COL13A1: variants seen among roughly 807,000 people sequenced by gnomAD.
COL13A1 encodes collagen alpha-1(XIII) chain.
COL13A1 carries 89 observed loss-of-function variants against 130.9 expected under a neutral mutation model. The ratio of observed to expected loss-of-function variants is 0.68; its 90% CI spans 0.57 to 0.81. The LOEUF is 0.81. COL13A1 is among the 30% of genes least tolerant of loss of function. COL13A1 has a pLI of 0.00. For missense variants in COL13A1, 879 were observed against 934.6 expected (o/e 0.94, Z 0.78); for synonymous variants, 402 against 341.6 (o/e 1.18, Z -1.95).
chr10:69,852,227 G>A (rs1182764633), intron 2 of COL13A1, among the ~76,000 whole-genome samples: 1 of 152,050 alleles, frequency 6.6e-6, no homozygotes, highest in Non-Finnish European at 1.5e-5. Context: ...TTTGCATATT[G>A]TAACTTCTCA....
chr10:69,934,301 A>G (rs2066538591), intron 31 of COL13A1, among the ~76,000 whole-genome samples: 1 of 152,252 alleles, frequency 6.6e-6, no homozygotes, highest in Non-Finnish European at 1.5e-5. Context: ...CCACTTACTT[A>G]TAATAAGAAT....
chr10:69,917,382 A>C lies in COL13A1; in HGVS notation c.966+49A>C. ...CAGGCAGCCCCAAGGCCCCTCCCCC[A>C]GTGCCCATCCCTCTCTCCTCAGCTC... On this transcript the variant is annotated intron_variant, in intron 18 of 40. Coordinates refer to ENST00000645393, the MANE Select transcript of COL13A1 (RefSeq NM_001368882.1). 3.3e-6 allele frequency: 5 copies of C among 1,534,388 alleles called. No homozygotes were observed. The South Asian group carries it at 4.6e-5, about 14-fold the overall frequency.
At chr10:69,925,968 GC>G in intron 26 of COL13A1, 96 bp downstream of exon 26, 1 of 1,053,108 alleles carries the variant, frequency 9.5e-7, no homozygotes, top group Non-Finnish European at 1.4e-6. Context: ...CCGAGTAGGG[GC>G]CCTGCCCTCA....
chr10:69,927,196 C>T (rs2065484454), intron 27 of COL13A1, 86 bp downstream of exon 27: 7 of 1,590,680 alleles, frequency 4.4e-6, no homozygotes, highest in Non-Finnish European at 6.0e-6. Context: ...TGATTTCTCC[C>T]CTCCAGAAAG....
chr10:69,893,984 T>C (rs2061417484), intron 10 of COL13A1, among the ~76,000 whole-genome samples: 1 of 152,238 alleles, frequency 6.6e-6, no homozygotes, highest in Non-Finnish European at 1.5e-5. Flanking sequence ...TAGCCCTGCA[T>C]GGACAAGACA....
rs2894302 is a variant in COL13A1 at position 69,869,454 on chromosome 10, G to A, written c.372+1649G>A. Among the ~76,000 whole-genome samples the A allele has an allele frequency of 9.9e-5, 15 of 152,250 alleles. No individual in the cohort carries two copies. In the East Asian group the frequency reaches 2.9e-3, roughly 29 times the overall value. ...CAAAAGAAGAATGCTGGTGGCCAGAGAGAGGGGCTCTGAGATGCCTGTCTG... is the reference window on the plus strand; with the variant it reads ...CAAAAGAAGAATGCTGGTGGCCAGAAAGAGGGGCTCTGAGATGCCTGTCTG... On this transcript the variant is annotated intron_variant, in intron 3 of 40. Transcript: ENST00000645393.
chr10:69,826,517 T>C (rs1847527118), intron 2 of COL13A1, among the ~76,000 whole-genome samples: 1 of 152,082 alleles, frequency 6.6e-6, no homozygotes, highest in Non-Finnish European at 1.5e-5. Context: ...GCCAGCCTAA[T>C]GGGAGAAGCC....
chr10:69,897,784 C>T (rs1303541971), intron 13 of COL13A1, among the ~76,000 whole-genome samples: 1 of 152,158 alleles, frequency 6.6e-6, no homozygotes, highest in Admixed American at 6.5e-5. Context: ...GTGATTTAAG[C>T]GCTTTCAAAA....
At chr10:69,950,183 T>C (rs2069283599) in intron 38 of COL13A1, among the ~76,000 whole-genome samples, 1 of 152,048 alleles carries the variant, frequency 6.6e-6, no homozygotes, top group Non-Finnish European at 1.5e-5. Context: ...TCCTCCAAAG[T>C]CCACTGTTAG....
intron 24 of COL13A1, 31 bp from the exon 25 acceptor site, chr10:69,924,932 C>A: frequency 6.4e-7 from 1 of 1,562,314 alleles, no homozygotes; most frequent in East Asian, 2.3e-5. Context: ...CAACTTTATC[C>A]CCACTTTGCT....
At chr10:69,937,498 C>A in intron 33 of COL13A1, 137 bp from the exon 34 acceptor site, 1 of 603,070 alleles carries the variant, frequency 1.7e-6, no homozygotes, top group Admixed American at 3.0e-5. Context: ...TTCAGGGATT[C>A]TTGGTATCCT....
rs1207413732 is a variant in COL13A1, at chr10:69,924,875, CTGGCCCTTATCACA to C, written c.1285-81_1285-68del. ...TGGACTAAGAGCTAAGATGAGCCTC[CTGGCCCTTATCACA>C]TGGCCCATCTAGGGACATCAGGCTC... On this transcript the variant is annotated intron_variant, in intron 24 of 40. Transcript: ENST00000645393. The C allele has an allele frequency of 2.2e-6, 3 of 1,337,560 alleles. No individual in the cohort carries two copies. In the African/African-American group the frequency reaches 4.5e-5, roughly 20 times the overall value. The allele number at this position is 1,337,560 out of a possible 1,614,324, so 82.9% of individuals were successfully genotyped here. A position where few individuals can be genotyped will look rare whatever the true frequency, so the allele number is the denominator to read the frequency against.
chr10:69,808,414 G>GACATTTAGTCTATT lies in COL13A1; in HGVS notation c.294+5698_294+5699insCATTTAGTCTATTA, dbSNP rs1449804827. ...TAGGTTGTGCCAGACATTTAGCTCA[G>GACATTTAGTCTATT]AGAAGGAAAATAGACATAGCATGTG... On this transcript the variant is annotated intron_variant, in intron 1 of 40. Coordinates refer to ENST00000645393, the MANE Select transcript of COL13A1 (RefSeq NM_001368882.1). 1.3e-4 allele frequency among the ~76,000 whole-genome samples: 20 copies of GACATTTAGTCTATT among 152,328 alleles called. 1 individual carries two copies. The Middle Eastern group carries it at 0.014, about 104-fold the overall frequency.
intron 2 of COL13A1, among the ~76,000 whole-genome samples, chr10:69,847,180 C>A (rs1853384674): frequency 6.6e-6 from 1 of 152,200 alleles, no homozygotes; most frequent in Non-Finnish European, 1.5e-5. Flanking sequence ...AGAACCCTAA[C>A]AGCTAGAAAT....
chr10:69,922,193 T>C, intron 22 of COL13A1, among the ~76,000 whole-genome samples: 1 of 151,638 alleles, frequency 6.6e-6, no homozygotes. Flanking sequence ...GCTCTGCAAA[T>C]GCATCCCACA....
At chr10:69,893,532 C>T (rs1050803279) in intron 10 of COL13A1, among the ~76,000 whole-genome samples, 3 of 152,212 alleles carry the variant, frequency 2.0e-5, no homozygotes, top group Non-Finnish European at 4.4e-5. Context: ...CAGCATGCTG[C>T]GGCCACCTCC....
intron 2 of COL13A1, among the ~76,000 whole-genome samples, chr10:69,832,986 G>A (rs1394621693): frequency 2.0e-5 from 3 of 152,248 alleles, no homozygotes; most frequent in African/African-American, 7.2e-5. Flanking sequence ...GGGACAGTCA[G>A]TAGGAGAACG....
chr10:69,941,074 C>T, intron 35 of COL13A1, 51 bp downstream of exon 35: 1 of 1,613,034 alleles, frequency 6.2e-7, no homozygotes. Context: ...CCACACCTGG[C>T]CTGTGATCCC....
intron 19 of COL13A1, 51 bp downstream of exon 19, chr10:69,918,368 G>C: frequency 6.3e-7 from 1 of 1,585,150 alleles, no homozygotes; most frequent in South Asian, 1.1e-5. Flanking sequence ...GGAGAGAAGA[G>C]AGCGGGCAGA....
Sources: allele counts gnomAD v4.1 joint callset (sites outside exome capture counted in the v4.1 genomes callset), GRCh38; gene constraint gnomAD v4.1.1; transcripts MANE v1.5; gene names NCBI Gene and HGNC (gene_info 2026-07-23, HGNC 2026-07-21).